The following SV2C variants were observed in gnomAD, a reference collection of about 807,000 sequenced individuals.
SV2C encodes the protein solute carrier family 22 member B3.
A neutral mutation model predicts 79.7 loss-of-function variants in SV2C; 49 were observed. That is an observed-to-expected ratio of 0.61 (90% CI 0.49 to 0.78). The LOEUF (loss-of-function observed/expected upper bound fraction) is 0.78, where lower values mean the gene tolerates loss of function less well. Ranked by LOEUF, SV2C falls within the 30% of genes least tolerant of loss-of-function variation. The probability of loss-of-function intolerance (pLI) is 0.00; values close to 1 mark genes in which losing one functional copy is unlikely to be tolerated. For missense variants in SV2C, 833 were observed against 912.9 expected, an observed-to-expected ratio of 0.91 and a Z score of 1.13; for synonymous variants, 334 against 333.2, an observed-to-expected ratio of 1.00 and a Z score of -0.03.
In SV2C at chr5:76,150,537, G is replaced by T. The variant is rs188019803; in HGVS notation, c.580+18207G>T. On this transcript the variant is annotated intron_variant, in intron 2 of 12. Coordinates refer to ENST00000502798, the MANE Select transcript of SV2C (RefSeq NM_014979.4). The stretch of plus-strand genomic sequence containing the variant: ...CAGAGGTTAGATTGGAGATGTCTTT[G>T]TGGAATATCACCTTTCAAAATTTAG... Among the ~76,000 whole-genome samples, 250 of 149,648 alleles carry T rather than the reference G, an allele frequency of 1.7e-3. 1 individual carries two copies. The highest frequency in any genetic ancestry group is 5.9e-3 in the African/African-American group (240 of 40,780).
At chr5:76,111,853 C>T (rs1748108585) in intron 1 of SV2C, among the ~76,000 whole-genome samples, 1 of 152,156 alleles carries the variant, frequency 6.6e-6, no homozygotes. Context: ...TTTGTCATCC[C>T]TGGTTTCTGG....
In SV2C at chr5:76,327,792, T is replaced by C. The variant is rs1319496799; in HGVS notation, c.*2245T>C. On this transcript the variant is annotated 3_prime_UTR_variant, in exon 13 of 13. Coordinates refer to ENST00000502798, the MANE Select transcript of SV2C (RefSeq NM_014979.4). ...ATGTCTGCTCTGGGGTCTAAATGCA[T>C]AAAACATCTCCCAAGCTGCAGAGCA... 1 of 152,242 alleles carries C rather than the reference T, an allele frequency of 6.6e-6. No individual in the cohort carries two copies. Among genetic ancestry groups the C allele is most frequent in the Non-Finnish European group, 1.5e-5 (1 of 68,054 alleles). The allele number at this position is 152,242 out of a possible 1,614,324, so 9.4% of individuals were successfully genotyped here. A position where few individuals can be genotyped will look rare whatever the true frequency, so the allele number is the denominator to read the frequency against.
At chr5:76,229,372 A>G (rs1745345647) in intron 4 of SV2C, among the ~76,000 whole-genome samples, 1 of 152,226 alleles carries the variant, frequency 6.6e-6, no homozygotes. Flanking sequence ...ACAATTAGAA[A>G]TGGGTAGGAG....
At chr5:75,906,402 T>C in the SV2C span, among the ~76,000 whole-genome samples, 2 of 151,492 alleles carry the variant, frequency 1.3e-5, no homozygotes, top group African/African-American at 4.8e-5. Flanking sequence ...TCAAGATGTA[T>C]CCAAGGATGG....
the SV2C span, among the ~76,000 whole-genome samples, chr5:76,041,706 C>T: frequency 0.014 from 2,061 of 152,242 alleles, 29 homozygotes; most frequent in Non-Finnish European, 0.02. Context: ...TGGTGAGGAA[C>T]TAAATACTGG....
At chr5:76,064,246 C>A in the SV2C span, among the ~76,000 whole-genome samples, 1 of 152,074 alleles carries the variant, frequency 6.6e-6, no homozygotes. Flanking sequence ...GAGAAAGATT[C>A]CAGATCTCCA....
intron 2 of SV2C, among the ~76,000 whole-genome samples, chr5:76,176,839 G>A (rs142520438): frequency 8.8e-4 from 134 of 152,268 alleles, no homozygotes; most frequent in African/African-American, 2.8e-3. Context: ...AGTAGAGGCC[G>A]GCAAGGTGGC....
the SV2C span, among the ~76,000 whole-genome samples, chr5:75,859,685 G>A: frequency 6.6e-6 from 1 of 152,066 alleles, no homozygotes; most frequent in Admixed American, 6.5e-5. Context: ...CAGGTTGCTC[G>A]GGGAAATAAC....
chr5:76,277,832 T>C (rs1450501957), intron 4 of SV2C, among the ~76,000 whole-genome samples: 1 of 151,210 alleles, frequency 6.6e-6, no homozygotes, highest in Non-Finnish European at 1.5e-5. Flanking sequence ...AAGACAAAAC[T>C]ATAGGGACAG....
At chr5:76,069,727 T>C in the SV2C span, among the ~76,000 whole-genome samples, 1 of 152,020 alleles carries the variant, frequency 6.6e-6, no homozygotes, top group African/African-American at 2.4e-5. Context: ...TGGTTCTTCA[T>C]TTCTTTTGGG....
intron 1 of SV2C, among the ~76,000 whole-genome samples, chr5:76,086,639 C>CTGGT (rs1554031780): frequency 6.6e-6 from 1 of 151,594 alleles, no homozygotes; most frequent in East Asian, 1.9e-4. Flanking sequence ...CAGCCCCTGG[C>CTGGT]ATATATAGTT....
intron 4 of SV2C, among the ~76,000 whole-genome samples, chr5:76,213,123 A>T (rs890478658): frequency 1.3e-5 from 2 of 152,228 alleles, no homozygotes; most frequent in Admixed American, 6.5e-5. Flanking sequence ...TAATGTCAAT[A>T]TGAAAACCTT....
At chr5:76,169,703 C>A (rs924834606) in intron 2 of SV2C, among the ~76,000 whole-genome samples, 1 of 152,212 alleles carries the variant, frequency 6.6e-6, no homozygotes, top group African/African-American at 2.4e-5. Flanking sequence ...CTCACAGACA[C>A]TGTTGATGCT....
chr5:76,270,706 C>A (rs1324727318), intron 4 of SV2C, among the ~76,000 whole-genome samples: 2 of 152,064 alleles, frequency 1.3e-5, no homozygotes, highest in East Asian at 3.8e-4. Context: ...CCTTTTATGG[C>A]TTTGCTACTC....
At chr5:76,075,596 A>C in the SV2C span, 1 of 183,146 alleles carries the variant, frequency 5.5e-6, no homozygotes, top group Non-Finnish European at 1.3e-5. Flanking sequence ...CCACCAACCA[A>C]GAGAAGACAT....
At chr5:76,072,248 C>G in the SV2C span, among the ~76,000 whole-genome samples, 1 of 151,836 alleles carries the variant, frequency 6.6e-6, no homozygotes, top group Non-Finnish European at 1.5e-5. Flanking sequence ...AAACAAAGTT[C>G]AAGAAAAAAT....
the SV2C span, among the ~76,000 whole-genome samples, chr5:76,060,319 C>A: frequency 6.6e-6 from 1 of 152,118 alleles, no homozygotes; most frequent in Non-Finnish European, 1.5e-5. Context: ...CAAGAGAAGG[C>A]TGTTTTCGTC....
intron 12 of SV2C, among the ~76,000 whole-genome samples, chr5:76,342,975 C>T (rs1327198462): frequency 6.6e-6 from 1 of 151,770 alleles, no homozygotes; most frequent in East Asian, 1.9e-4. Context: ...CCTCCTGCCT[C>T]AGCCTCCCAA....
At chr5:76,324,157 G>C (rs1443703911) in intron 12 of SV2C, among the ~76,000 whole-genome samples, 1 of 152,030 alleles carries the variant, frequency 6.6e-6, no homozygotes, top group Non-Finnish European at 1.5e-5. Flanking sequence ...ACAGGGTCTT[G>C]CTATGTTGCC....
Sources: allele counts gnomAD v4.1 joint callset (sites outside exome capture counted in the v4.1 genomes callset), GRCh38; gene constraint gnomAD v4.1.1; transcripts MANE v1.5; gene names NCBI Gene and HGNC (gene_info 2026-07-23, HGNC 2026-07-21).